Variants in KIF1B observed in about 807,000 individuals in gnomAD.
KIF1B encodes the protein kinesin family member 1B, also known as kinesin-like protein KIF1B.
In KIF1B, 76 loss-of-function variants were observed where a neutral mutation model predicts 241.9. The ratio of observed to expected loss-of-function variants is 0.31; its 90% CI spans 0.26 to 0.38. The LOEUF (loss-of-function observed/expected upper bound fraction) is 0.38. KIF1B is among the 10% of genes least tolerant of loss of function. The pLI, the probability that KIF1B is intolerant of heterozygous loss-of-function variation, is 1.00. For synonymous variants in KIF1B, 750 were observed against 796.7 expected, an observed-to-expected ratio of 0.94 and a Z score of 0.99; for missense variants, 1,622 against 2,271.4, an observed-to-expected ratio of 0.71 and a Z score of 5.81.
chr1:10,302,375 A>G (rs1269567464), intron 22 of KIF1B, among the ~76,000 whole-genome samples: 1 of 152,230 alleles, frequency 6.6e-6, no homozygotes, highest in Non-Finnish European at 1.5e-5. Context: ...GGATACATTT[A>G]ACATGACAAA....
rs765614388 is a variant in KIF1B, at chr1:10,304,595, G to A, written c.2115+7349G>A. ...CAGTTTGTGACACCTCCGCGGATGA[G>A]GAGACAGTTCTCAGCACCCAATCTC... On this transcript the variant is annotated intron_variant, in intron 22 of 48. Coordinates refer to ENST00000676179, the MANE Select transcript of KIF1B (RefSeq NM_001365951.3). The A allele has an allele frequency of 4.3e-6, 7 of 1,614,070 alleles. No homozygotes were observed. The East Asian group carries it at 1.3e-4, about 31-fold the overall frequency.
At chr1:10,287,780 A>G (rs1263488927) in intron 15 of KIF1B, among the ~76,000 whole-genome samples, 1 of 152,210 alleles carries the variant, frequency 6.6e-6, no homozygotes, top group African/African-American at 2.4e-5. Context: ...AGTTGCCCCA[A>G]AATAGGATGG....
intron 24 of KIF1B, among the ~76,000 whole-genome samples, chr1:10,323,169 T>C (rs77370331): frequency 0.019 from 2,903 of 152,238 alleles, 42 homozygotes; most frequent in Non-Finnish European, 0.028. Context: ...GCCAAATAAA[T>C]GCTTTTAAGA....
chr1:10,361,818 C>A lies in KIF1B; in HGVS notation c.4297C>A (p.Pro1433Thr), dbSNP rs757899517. Residue 1433 changes from proline (P) to threonine (T), a missense_variant, in exon 40 of 49, where the codon CCA becomes ACA. Around this residue, in one of 7 missense-constraint regions of KIF1B, gnomAD observed 803 missense variants for 1,112.0 expected, o/e 0.72. Transcript: ENST00000676179. ...SLFGSGYSKS[P>T]DSNRVTGIYE... ...CTTTGGCAGCGGCTACTCAAAGTCACCAGATTCGTAAGTTTTTCACACAAG... is the reference window on the plus strand; with the variant it reads ...CTTTGGCAGCGGCTACTCAAAGTCAACAGATTCGTAAGTTTTTCACACAAG... 8.1e-6 allele frequency: 13 copies of A among 1,613,972 alleles called. No individual in the cohort carries two copies. In the East Asian group the frequency reaches 2.7e-4, roughly 33 times the overall value.
Position 10,380,332 on chromosome 1 carries a change from A to G in KIF1B, c.*3745A>G. On this transcript the variant is annotated 3_prime_UTR_variant, in exon 49 of 49. Coordinates refer to ENST00000676179, the MANE Select transcript of KIF1B (RefSeq NM_001365951.3). ...CTGTGTCCCGCTCGGGTTCCAATGG[A>G]CAGTATCAGGGCTTGTTTGACTTAG... 1 of 208,150 alleles carries G rather than the reference A, an allele frequency of 4.8e-6. No individual in the cohort carries two copies. Among genetic ancestry groups the G allele is most frequent in the African/African-American group, 2.3e-5 (1 of 43,966 alleles). The allele number at this position is 208,150 out of a possible 1,614,324, so 12.9% of individuals were successfully genotyped here.
chr1:10,289,484 T>C (rs1649878935), intron 15 of KIF1B, among the ~76,000 whole-genome samples: 1 of 152,184 alleles, frequency 6.6e-6, no homozygotes, highest in South Asian at 2.1e-4. Context: ...TCACTTTAGA[T>C]TGCTCCCTCA....
chr1:10,269,168 A>G (rs72865946), intron 7 of KIF1B, among the ~76,000 whole-genome samples: 10,888 of 152,194 alleles, frequency 0.072, 466 homozygotes, highest in Middle Eastern at 0.13. Context: ...CTAATTATTA[A>G]AATCACCTTT....
At chr1:10,368,958 A>C (rs983062693) in intron 44 of KIF1B, among the ~76,000 whole-genome samples, 76 of 152,214 alleles carry the variant, frequency 5.0e-4, no homozygotes, top group Admixed American at 1.9e-3. Context: ...AATTCTAGTC[A>C]GCTTGACCTT....
intron 1 of KIF1B, among the ~76,000 whole-genome samples, chr1:10,226,881 T>C (rs1009348537): frequency 2.0e-5 from 3 of 151,752 alleles, no homozygotes; most frequent in African/African-American, 7.3e-5. Context: ...GGTGGGAGAA[T>C]CACCTGAGCC....
chr1:10,264,697 T>G (rs1196162323), intron 5 of KIF1B, among the ~76,000 whole-genome samples: 1 of 152,142 alleles, frequency 6.6e-6, no homozygotes, highest in Admixed American at 6.5e-5. Flanking sequence ...AGTCTCACTC[T>G]GTCACCCAGG....
intron 22 of KIF1B, among the ~76,000 whole-genome samples, chr1:10,309,285 T>TA (rs1379001861): frequency 3.3e-5 from 5 of 152,258 alleles, no homozygotes; most frequent in African/African-American, 9.6e-5. Context: ...TCCAGCCTCA[T>TA]ACCCTTTTCC....
chr1:10,314,630 G>A (rs530245987), intron 22 of KIF1B, among the ~76,000 whole-genome samples: 2 of 151,252 alleles, frequency 1.3e-5, no homozygotes, highest in South Asian at 2.1e-4. Context: ...ATGTTGCCCG[G>A]ACTGGTCTCA....
chr1:10,352,631 G>A lies in KIF1B; in HGVS notation c.3950G>A (p.Gly1317Asp). ...HWKDVRELVV[G>D]RIRNKPEVDE... ...CTGTTTTTTTTATCCTTTCTTTTAGGTCGTATTCGGAATAAGCCTGAGGTG... is the reference window on the plus strand; with the variant it reads ...CTGTTTTTTTTATCCTTTCTTTTAGATCGTATTCGGAATAAGCCTGAGGTG... Residue 1317 changes from glycine to aspartate, a missense_variant and splice_region_variant, in exon 38 of 49, where the codon GGT becomes GAT. Physicochemically the swap from Gly to Asp is moderately conservative, Grantham distance 94 (BLOSUM62 -1). Around this residue, in one of 7 missense-constraint regions of KIF1B, gnomAD observed 803 missense variants for 1,112.0 expected, o/e 0.72. Transcript: ENST00000676179. The A allele has an allele frequency of 6.2e-7, 1 of 1,611,342 alleles. No homozygotes were observed. The highest frequency in any genetic ancestry group is 8.5e-7 in the Non-Finnish European group (1 of 1,177,732).
intron 17 of KIF1B, among the ~76,000 whole-genome samples, chr1:10,292,541 T>C (rs149317289): frequency 2.0e-3 from 303 of 152,368 alleles, no homozygotes; most frequent in Non-Finnish European, 3.5e-3. Context: ...TTGTGGAGAA[T>C]AATACTGCTT....
intron 1 of KIF1B, among the ~76,000 whole-genome samples, chr1:10,221,668 G>T (rs554941825): frequency 3.7e-4 from 57 of 152,150 alleles, no homozygotes; most frequent in Non-Finnish European, 6.8e-4. Flanking sequence ...CTCAAAAGGG[G>T]ATCTCTAGCT....
intron 4 of KIF1B, among the ~76,000 whole-genome samples, chr1:10,260,759 T>C (rs982509771): frequency 1.3e-5 from 2 of 151,008 alleles, no homozygotes; most frequent in Non-Finnish European, 3.0e-5. Context: ...CCCAGCTACT[T>C]GGGAGGCTGA....
chr1:10,235,072 T>G (rs897894715), intron 2 of KIF1B, among the ~76,000 whole-genome samples: 1 of 151,670 alleles, frequency 6.6e-6, no homozygotes, highest in African/African-American at 2.4e-5. Context: ...GTATTTTTAG[T>G]AGAGATGGGG....
chr1:10,278,974 C>T (rs1159772566), intron 13 of KIF1B, 123 bp from the exon 14 acceptor site: 4 of 566,078 alleles, frequency 7.1e-6, no homozygotes, highest in Non-Finnish European at 1.3e-5. Flanking sequence ...AAAAATGATA[C>T]CGTATTCTAA....
At chr1:10,345,102 G>A (rs999099323) in intron 34 of KIF1B, among the ~76,000 whole-genome samples, 1 of 152,158 alleles carries the variant, frequency 6.6e-6, no homozygotes, top group African/African-American at 2.4e-5. Context: ...GCTGAGGTGG[G>A]AGGATGGTTT....
Sources: allele counts gnomAD v4.1 joint callset (sites outside exome capture counted in the v4.1 genomes callset), GRCh38; gene constraint gnomAD v4.1.1; regional missense constraint gnomAD v4.1.1; transcripts MANE v1.5; gene names NCBI Gene and HGNC (gene_info 2026-07-23, HGNC 2026-07-21).